TSPAN18: variants seen among roughly 807,000 people sequenced by gnomAD.
The protein encoded by TSPAN18 is tetraspanin 18, also known as tetraspanin-18.
A neutral mutation model predicts 27.3 loss-of-function variants in TSPAN18; 14 were observed. That is an observed-to-expected ratio of 0.51 (90% CI 0.34 to 0.80). TSPAN18 has a LOEUF of 0.80. TSPAN18 is among the 30% of genes least tolerant of loss of function. The pLI is 0.01. For missense variants in TSPAN18, 268 were observed against 323.9 expected (o/e 0.83, Z 1.32); for synonymous variants, 143 against 136.5 (o/e 1.05, Z -0.33).
chr11:44,863,472 GT>G (rs1302621284), intron 3 of TSPAN18, among the ~76,000 whole-genome samples: 1 of 152,228 alleles, frequency 6.6e-6, no homozygotes, highest in East Asian at 1.9e-4. Context: ...GGGAAGGGGA[GT>G]TTTGGAGGGC....
chr11:44,808,950 C>T (rs1856659485), intron 2 of TSPAN18, among the ~76,000 whole-genome samples: 1 of 152,072 alleles, frequency 6.6e-6, no homozygotes, highest in African/African-American at 2.4e-5. Flanking sequence ...AGGCTTACAC[C>T]CCCTCGGAAA....
intron 1 of TSPAN18, among the ~76,000 whole-genome samples, chr11:44,758,629 G>A (rs938593793): frequency 1.3e-5 from 2 of 152,240 alleles, no homozygotes; most frequent in South Asian, 2.1e-4. Flanking sequence ...TCTGTGTATC[G>A]AGTGTTTATG....
intron 2 of TSPAN18, among the ~76,000 whole-genome samples, chr11:44,797,490 C>T (rs1264202906): frequency 6.6e-6 from 1 of 151,930 alleles, no homozygotes; most frequent in Non-Finnish European, 1.5e-5. Context: ...GGGATGATGG[C>T]GGGGTGGGGA....
intron 3 of TSPAN18, among the ~76,000 whole-genome samples, chr11:44,891,474 C>T (rs1858848935): frequency 6.6e-6 from 1 of 152,180 alleles, no homozygotes; most frequent in Non-Finnish European, 1.5e-5. Context: ...TAGTTCAAGG[C>T]CAGGTGTACA....
At chr11:44,866,256 C>T (rs1273248363) in intron 3 of TSPAN18, among the ~76,000 whole-genome samples, 1 of 152,214 alleles carries the variant, frequency 6.6e-6, no homozygotes, top group Non-Finnish European at 1.5e-5. Flanking sequence ...GTGCCGTCTG[C>T]CTTTACTTCT....
chr11:44,765,861 C>T (rs1273783803), intron 2 of TSPAN18, among the ~76,000 whole-genome samples: 1 of 152,180 alleles, frequency 6.6e-6, no homozygotes, highest in Non-Finnish European at 1.5e-5. Flanking sequence ...TTGGGCATCT[C>T]ATGAAATCCC....
intron 2 of TSPAN18, among the ~76,000 whole-genome samples, chr11:44,783,677 G>T (rs185784129): frequency 6.6e-6 from 1 of 152,102 alleles, no homozygotes. Flanking sequence ...GATTACAGGC[G>T]TGAGCCACCG....
chr11:44,754,146 C>T (rs1855275949), intron 1 of TSPAN18, among the ~76,000 whole-genome samples: 1 of 152,142 alleles, frequency 6.6e-6, no homozygotes, highest in African/African-American at 2.4e-5. Flanking sequence ...GTGGTCTTGC[C>T]TCCTGCGGAC....
intron 3 of TSPAN18, among the ~76,000 whole-genome samples, chr11:44,880,430 G>A (rs1457583182): frequency 1.3e-5 from 2 of 152,204 alleles, no homozygotes; most frequent in African/African-American, 2.4e-5. Flanking sequence ...CTCCTCATCT[G>A]TAAAATGAGG....
chr11:44,896,781 T>TACC (rs1555000632), intron 3 of TSPAN18, among the ~76,000 whole-genome samples: 6 of 151,768 alleles, frequency 4.0e-5, no homozygotes, highest in East Asian at 3.9e-4. Flanking sequence ...TCCTCCACGC[T>TACC]GCCACCACCA....
chr11:44,805,947 A>G (rs1274070120), intron 2 of TSPAN18, among the ~76,000 whole-genome samples: 2 of 151,910 alleles, frequency 1.3e-5, no homozygotes, highest in African/African-American at 4.8e-5. Context: ...TATGACCTCA[A>G]CCTCATTAAT....
At chr11:44,871,680 C>T (rs1452043833) in intron 3 of TSPAN18, among the ~76,000 whole-genome samples, 2 of 152,148 alleles carry the variant, frequency 1.3e-5, no homozygotes, top group East Asian at 1.9e-4. Flanking sequence ...GCCTGGCAGG[C>T]GGGTCCCAGA....
At chr11:44,906,371 C>T (rs1414712239) in intron 3 of TSPAN18, 36 bp from the exon 4 acceptor site, 7 of 1,607,622 alleles carry the variant, frequency 4.4e-6, no homozygotes, top group Non-Finnish European at 6.0e-6. Context: ...GGTGGGGTCC[C>T]CCATCGGGAA....
chr11:44,741,805 A>G (rs780625671), intron 1 of TSPAN18, among the ~76,000 whole-genome samples: 9 of 152,162 alleles, frequency 5.9e-5, no homozygotes, highest in Non-Finnish European at 1.0e-4. Flanking sequence ...GAAAAAAGGG[A>G]CAGCAAAAAC....
chr11:44,888,591 C>T (rs1858738878), intron 3 of TSPAN18, among the ~76,000 whole-genome samples: 1 of 152,120 alleles, frequency 6.6e-6, no homozygotes, highest in Non-Finnish European at 1.5e-5. Flanking sequence ...TGGGGCTGGG[C>T]TTGGCTTGGG....
chr11:44,851,182 G>A (rs1300290493), intron 2 of TSPAN18, among the ~76,000 whole-genome samples: 2 of 152,236 alleles, frequency 1.3e-5, no homozygotes, highest in African/African-American at 4.8e-5. Context: ...CCTTGGTCAC[G>A]TTCATCACAC....
intron 1 of TSPAN18, among the ~76,000 whole-genome samples, chr11:44,741,447 A>ATGTGTGTGTGTGTG (rs58865710): frequency 4.7e-5 from 7 of 147,478 alleles, no homozygotes; most frequent in East Asian, 4.0e-4. Context: ...TCAGACATGT[A>ATGTGTGTGTGTGTG]TGTGTGTGTG....
chr11:44,765,583 C>T (rs1298065588), intron 2 of TSPAN18, among the ~76,000 whole-genome samples: 4 of 152,166 alleles, frequency 2.6e-5, no homozygotes, highest in Non-Finnish European at 5.9e-5. Context: ...CTATGATCAC[C>T]TCCACATTAC....
At chr11:44,841,050 C>A (rs1857362283) in intron 2 of TSPAN18, among the ~76,000 whole-genome samples, 1 of 152,202 alleles carries the variant, frequency 6.6e-6, no homozygotes, top group Non-Finnish European at 1.5e-5. Flanking sequence ...CCCAGGGCAG[C>A]AGGAGCCCTG....
Sources: allele counts gnomAD v4.1 joint callset (sites outside exome capture counted in the v4.1 genomes callset), GRCh38; gene constraint gnomAD v4.1.1; transcripts MANE v1.5; gene names NCBI Gene and HGNC (gene_info 2026-07-23, HGNC 2026-07-21).